RASSF5: variants seen among roughly 807,000 people sequenced by gnomAD.
The protein encoded by RASSF5 is Ras association domain family member 5, also known as ras association domain-containing protein 5.
Under a neutral mutation model 40.5 loss-of-function variants are expected in RASSF5, and 25 were observed. That is an observed-to-expected ratio of 0.62 (90% CI 0.45 to 0.86). RASSF5 has a LOEUF of 0.86. Ranked by LOEUF, RASSF5 falls within the 40% of genes least tolerant of loss-of-function variation. The pLI is 0.00. For synonymous variants in RASSF5, 246 were observed against 252.4 expected, an observed-to-expected ratio of 0.97 and a Z score of 0.24; for missense variants, 521 against 572.8, an observed-to-expected ratio of 0.91 and a Z score of 0.92.
rs1341335627 is a variant in RASSF5 at position 206,549,667 on chromosome 1, C to T, written c.579+11374C>T. 4.6e-5 allele frequency among the ~76,000 whole-genome samples: 7 copies of T among 152,170 alleles called. No homozygotes were observed. The South Asian group carries it at 6.2e-4, about 14-fold the overall frequency. On this transcript the variant is annotated intron_variant, in intron 2 of 5. Coordinates refer to ENST00000579436, the MANE Select transcript of RASSF5 (RefSeq NM_182663.4). ...GACCCAGTTAAATTACTTAGAAGTTCGATCCTTTTTAAGGTTTTAAGAGCC... is the reference window on the plus strand; with the variant it reads ...GACCCAGTTAAATTACTTAGAAGTTTGATCCTTTTTAAGGTTTTAAGAGCC...
intron 1 of RASSF5, among the ~76,000 whole-genome samples, chr1:206,524,625 G>GTATAATATATAAAATATATATTATA (rs1667042329): frequency 8.5e-6 from 1 of 117,428 alleles, no homozygotes; most frequent in Non-Finnish European, 1.7e-5. Flanking sequence ...TATATATTAT[G>GTATAATATATAAAATATATATTATA]TATAATATAT....
chr1:206,582,852 C>G (rs540921884), intron 2 of RASSF5, among the ~76,000 whole-genome samples: 1 of 152,162 alleles, frequency 6.6e-6, no homozygotes, highest in South Asian at 2.1e-4. Flanking sequence ...GGAGACAGAC[C>G]ATGGCTTGTA....
intron 3 of RASSF5, 45 bp downstream of exon 3, chr1:206,583,424 G>A (rs368628162): frequency 8.0e-6 from 11 of 1,375,138 alleles, no homozygotes; most frequent in East Asian, 4.6e-5. Flanking sequence ...TCCACCACCC[G>A]CTTCGGGTTT....
chr1:206,524,128 C>G (rs1255558206), intron 1 of RASSF5, among the ~76,000 whole-genome samples: 1 of 119,560 alleles, frequency 8.4e-6, no homozygotes, highest in Admixed American at 9.4e-5. Flanking sequence ...ATTATAGATA[C>G]CATATGTAAT....
rs552611520 is a variant in RASSF5 at position 206,535,628 on chromosome 1, T to C, written c.458-2544T>C. On this transcript the variant is annotated intron_variant, in intron 1 of 5. Transcript: ENST00000579436. The surrounding 1 kb of genome is among the most constrained non-coding windows in gnomAD (Gnocchi z 5.0). ...TGCTTCTTATAAAATCCCAGAACAC[T>C]TCTCAGAGTCTTCTGCTACTTAGTG... Among the ~76,000 whole-genome samples, 5 of 152,234 alleles carry C rather than the reference T, an allele frequency of 3.3e-5. No homozygotes were observed. Among genetic ancestry groups the C allele is most frequent in the African/African-American group, 1.2e-4 (5 of 41,512 alleles).
intron 2 of RASSF5, among the ~76,000 whole-genome samples, chr1:206,569,117 T>A (rs1668368416): frequency 6.6e-6 from 1 of 152,152 alleles, no homozygotes; most frequent in Non-Finnish European, 1.5e-5. Flanking sequence ...CCTCTGAAGG[T>A]TTGCTGAAAA....
At chr1:206,583,057 A>G in intron 2 of RASSF5, 1 of 503,416 alleles carries the variant, frequency 2.0e-6, no homozygotes, top group Non-Finnish European at 3.6e-6. Context: ...GCTTAGAGAA[A>G]TCTGAGTTAC....
chr1:206,519,931 A>G (rs1553395852), intron 1 of RASSF5, among the ~76,000 whole-genome samples: 1 of 152,188 alleles, frequency 6.6e-6, no homozygotes, highest in Non-Finnish European at 1.5e-5. Context: ...TGAGAAGAGA[A>G]TTGGACACCG....
intron 2 of RASSF5, among the ~76,000 whole-genome samples, chr1:206,555,253 G>T (rs1667948337): frequency 6.6e-6 from 1 of 152,260 alleles, no homozygotes; most frequent in Non-Finnish European, 1.5e-5. Context: ...GACTCCTGGG[G>T]TACCTTGGCT....
At position 206,568,226 on chromosome 1, in the gene RASSF5, GC is replaced by G. The variant is rs533335423; in HGVS notation, c.580-15042del. 3.3e-5 allele frequency among the ~76,000 whole-genome samples: 5 copies of G among 152,296 alleles called. No individual in the cohort carries two copies. In the South Asian group the frequency reaches 1.0e-3, roughly 32 times the overall value. On this transcript the variant is annotated intron_variant, in intron 2 of 5. Coordinates refer to ENST00000579436, the MANE Select transcript of RASSF5 (RefSeq NM_182663.4). ...GGACACAAGCATTAAAAGACTCAGA[GC>G]TAGTTAATAGCTAAGTGGATATGTT... is the stretch of plus-strand genomic sequence containing the variant.
At chr1:206,581,932 T>A (rs782763456) in intron 2 of RASSF5, among the ~76,000 whole-genome samples, 12 of 152,100 alleles carry the variant, frequency 7.9e-5, no homozygotes, top group Non-Finnish European at 1.2e-4. Context: ...TCGCGGCAGC[T>A]GTGAAATTCC....
At chr1:206,557,591 C>T (rs1316399079) in intron 2 of RASSF5, 3 of 1,614,100 alleles carry the variant, frequency 1.9e-6, no homozygotes, top group Non-Finnish European at 1.7e-6. Context: ...TGGACAGCAG[C>T]ATGAGCAGTG....
chr1:206,547,069 G>A (rs1224950779), intron 2 of RASSF5, among the ~76,000 whole-genome samples: 2 of 152,236 alleles, frequency 1.3e-5, no homozygotes, highest in Non-Finnish European at 1.5e-5. Context: ...CCAGGAGCTC[G>A]AGACCAGCCT....
At chr1:206,529,730 A>T in intron 1 of RASSF5, 1 of 591,772 alleles carries the variant, frequency 1.7e-6, no homozygotes, top group Admixed American at 2.7e-5. Context: ...AGTTTTCTGT[A>T]CATAAAAATA....
At chr1:206,512,283 C>A (rs1234825569) in intron 1 of RASSF5, among the ~76,000 whole-genome samples, 1 of 152,080 alleles carries the variant, frequency 6.6e-6, no homozygotes, top group Non-Finnish European at 1.5e-5. Context: ...TTCAAAGAGG[C>A]CTTCTGAGCT....
intron 1 of RASSF5, chr1:206,518,486 G>A (rs782729231): frequency 4.8e-5 from 19 of 398,564 alleles, no homozygotes; most frequent in African/African-American, 2.5e-4. Context: ...AGAGCCGCTC[G>A]GTCTCCAAAA....
In RASSF5 at chr1:206,583,355, G is replaced by A. The variant is rs61759872; in HGVS notation, c.666G>A (p.Glu222=). 348 of 1,613,126 alleles carry A rather than the reference G, an allele frequency of 2.2e-4. No individual in the cohort carries two copies. The highest frequency in any genetic ancestry group is 3.0e-4 in the Admixed American group (18 of 59,968). ...KQKIDSYNTR[E]KNCLGMKLSE... The stretch of plus-strand genomic sequence containing the variant: ...AGATCGACAGCTACAACACGCGAGA[G>A]AAGAACTGCCTGGGCATGAAACTGG... Residue 222 remains glutamate, a synonymous_variant, in exon 3 of 6, where the codon GAG becomes GAA. Transcript: ENST00000579436.
In RASSF5 at chr1:206,508,061, TAAGTGTG is replaced by T. The variant is rs1553394134; in HGVS notation, c.457+6_457+12del. 7.2e-7 allele frequency: 1 copy of T among 1,387,680 alleles called. No homozygotes were observed. The highest frequency in any genetic ancestry group is 3.0e-5 in the Admixed American group (1 of 33,688). The allele number at this position is 1,387,680 out of a possible 1,614,324, so 86.0% of individuals were successfully genotyped here. On this transcript the variant is annotated splice_donor_5th_base_variant and intron_variant, in intron 1 of 5. Coordinates refer to ENST00000579436, the MANE Select transcript of RASSF5 (RefSeq NM_182663.4). The stretch of plus-strand genomic sequence containing the variant: ...TGCGGCAGGCGCTGCGCTGCACTAG[TAAGTGTG>T]AAGGCAGGGGAGGGGCGTGCGGGGA...
intron 2 of RASSF5, among the ~76,000 whole-genome samples, chr1:206,568,661 C>T (rs1311873446): frequency 2.6e-5 from 4 of 152,150 alleles, no homozygotes; most frequent in African/African-American, 9.7e-5. Flanking sequence ...AGAGAGCTCC[C>T]GCAGTCACCC....
Sources: allele counts gnomAD v4.1 joint callset (sites outside exome capture counted in the v4.1 genomes callset), GRCh38; gene constraint gnomAD v4.1.1; non-coding constraint Gnocchi (gnomAD v3.1); transcripts MANE v1.5; gene names NCBI Gene and HGNC (gene_info 2026-07-23, HGNC 2026-07-21).